TSHZ2: variants seen among roughly 807,000 people sequenced by gnomAD.
TSHZ2 encodes the protein teashirt homolog 2.
Under a neutral mutation model 74.4 loss-of-function variants are expected in TSHZ2, and 21 were observed. The observed-to-expected ratio is 0.28, with a 90% CI of 0.20 to 0.41. TSHZ2 has a LOEUF of 0.41. TSHZ2 is among the 10% of genes least tolerant of loss of function. The pLI is 1.00. For missense variants in TSHZ2, 1,244 were observed against 1,293.5 expected, an observed-to-expected ratio of 0.96 and a Z score of 0.59; for synonymous variants, 540 against 515.3, an observed-to-expected ratio of 1.05 and a Z score of -0.65.
intron 1 of TSHZ2, among the ~76,000 whole-genome samples, chr20:53,191,854 C>G (rs1466507069): frequency 6.6e-6 from 1 of 152,184 alleles, no homozygotes; most frequent in African/African-American, 2.4e-5. Flanking sequence ...TGTCAGCAGG[C>G]ATACATACAC....
chr20:53,143,420 G>A (rs1417712226), intron 1 of TSHZ2, among the ~76,000 whole-genome samples: 1 of 152,144 alleles, frequency 6.6e-6, no homozygotes, highest in Non-Finnish European at 1.5e-5. Context: ...TAGGCCGGGC[G>A]CGGTGGCTCA....
At chr20:53,476,191 G>A (rs1474690275) in intron 2 of TSHZ2, among the ~76,000 whole-genome samples, 1 of 146,218 alleles carries the variant, frequency 6.8e-6, no homozygotes, top group Non-Finnish European at 1.5e-5. Flanking sequence ...CCAAAGCCAG[G>A]CAGAGACACA....
At chr20:53,264,282 TGCAGGTA>T (rs149073661) in intron 2 of TSHZ2, among the ~76,000 whole-genome samples, 2 of 152,174 alleles carry the variant, frequency 1.3e-5, no homozygotes, top group South Asian at 2.1e-4. Context: ...GCATTTCAGG[TGCAGGTA>T]GCAGGTAGCA....
intron 1 of TSHZ2, among the ~76,000 whole-genome samples, chr20:53,065,272 G>A (rs1218751355): frequency 6.6e-6 from 1 of 152,130 alleles, no homozygotes; most frequent in African/African-American, 2.4e-5. Context: ...TTGTTGTCGT[G>A]GTTGAGATGA....
chr20:53,148,622 T>C (rs2123433623), intron 1 of TSHZ2, among the ~76,000 whole-genome samples: 1 of 152,246 alleles, frequency 6.6e-6, no homozygotes, highest in South Asian at 2.1e-4. Context: ...AAAAAAAAGT[T>C]TTTGCATTCA....
chr20:53,284,141 C>A (rs189153288), intron 2 of TSHZ2, among the ~76,000 whole-genome samples: 1 of 152,178 alleles, frequency 6.6e-6, no homozygotes, highest in Non-Finnish European at 1.5e-5. Flanking sequence ...CCTCGAACAA[C>A]GTGAAATGTG....
intron 1 of TSHZ2, among the ~76,000 whole-genome samples, chr20:53,078,108 C>T (rs1985421809): frequency 6.6e-6 from 1 of 152,244 alleles, no homozygotes; most frequent in South Asian, 2.1e-4. Context: ...ATGCGAAGAG[C>T]TTCTATCAAT....
In TSHZ2 at chr20:53,469,640, GGAAGGA is replaced by G. The variant is rs1568931966; in HGVS notation, c.*9-17503_*9-17498del. 5.1e-3 allele frequency among the ~76,000 whole-genome samples: 317 copies of G among 62,244 alleles called. 39 individuals carry two copies. The highest frequency in any genetic ancestry group is 0.011 in the African/African-American group (170 of 15,122). 40.8% of individuals were successfully genotyped at this position (62,244 alleles called of 152,430 possible). A position where few individuals can be genotyped will look rare whatever the true frequency, so the allele number is the denominator to read the frequency against. ...AGAGAGGGAGGAAGGGAGGGAGGAA[GGAAGGA>G]AGGAAGGAAGGAAGGAAGGAAGGAA... On this transcript the variant is annotated intron_variant, in intron 2 of 2. Coordinates refer to ENST00000371497, the MANE Select transcript of TSHZ2 (RefSeq NM_173485.6).
At chr20:53,303,205 C>A (rs73276320) in intron 2 of TSHZ2, among the ~76,000 whole-genome samples, 10 of 152,156 alleles carry the variant, frequency 6.6e-5, no homozygotes, top group Non-Finnish European at 1.0e-4. Context: ...ACTTTAGACA[C>A]CCCCCAAGAC....
At chr20:53,030,191 C>A (rs1385715107) in intron 1 of TSHZ2, among the ~76,000 whole-genome samples, 1 of 152,024 alleles carries the variant, frequency 6.6e-6, no homozygotes, top group Non-Finnish European at 1.5e-5. Context: ...AGATTTGAAC[C>A]CCGCCACTCA....
At chr20:53,367,265 A>T (rs1037784215) in intron 2 of TSHZ2, among the ~76,000 whole-genome samples, 1 of 151,458 alleles carries the variant, frequency 6.6e-6, no homozygotes, top group Non-Finnish European at 1.5e-5. Context: ...TTAGCCAGGC[A>T]TGGTGGCTCG....
At chr20:53,324,912 A>G (rs1159599209) in intron 2 of TSHZ2, among the ~76,000 whole-genome samples, 1 of 152,236 alleles carries the variant, frequency 6.6e-6, no homozygotes, top group Non-Finnish European at 1.5e-5. Flanking sequence ...GGCTAGTTAT[A>G]TTTGTAAGCT....
chr20:53,314,834 C>CTGGTCTTGAACTCCTGACCTCAAGT (rs1010358343), intron 2 of TSHZ2, among the ~76,000 whole-genome samples: 10 of 152,054 alleles, frequency 6.6e-5, no homozygotes, highest in African/African-American at 2.4e-4. Flanking sequence ...GTTGGCCAGG[C>CTGGTCTTGAACTCCTGACCTCAAGT]TGGTCTTGAA....
intron 1 of TSHZ2, among the ~76,000 whole-genome samples, chr20:53,205,047 C>T (rs994519825): frequency 1.3e-5 from 2 of 150,746 alleles, no homozygotes; most frequent in Admixed American, 1.3e-4. Flanking sequence ...GCAGAGATCT[C>T]GCCACTGCAC....
At chr20:53,293,159 T>C (rs1481546818) in intron 2 of TSHZ2, among the ~76,000 whole-genome samples, 1 of 152,192 alleles carries the variant, frequency 6.6e-6, no homozygotes, top group Non-Finnish European at 1.5e-5. Context: ...TTTCTATACT[T>C]TTTAGTATAA....
intron 1 of TSHZ2, among the ~76,000 whole-genome samples, chr20:53,184,958 A>G (rs1988566484): frequency 6.6e-6 from 1 of 152,166 alleles, no homozygotes; most frequent in Non-Finnish European, 1.5e-5. Flanking sequence ...ATCTGCCCGC[A>G]TTGGCCTCCT....
chr20:53,373,415 C>T (rs1238050969), intron 2 of TSHZ2, among the ~76,000 whole-genome samples: 2 of 152,156 alleles, frequency 1.3e-5, no homozygotes, highest in African/African-American at 4.8e-5. Flanking sequence ...CTATCATTTG[C>T]ATTCCAAGCA....
intron 1 of TSHZ2, among the ~76,000 whole-genome samples, chr20:53,081,383 G>A (rs1293444): frequency 0.93 from 142,182 of 152,314 alleles, 66,456 homozygotes; most frequent in African/African-American, 0.99. Context: ...CTTTCAGCTT[G>A]ACACTGAGTT....
chr20:53,181,860 A>G (rs1988477419), intron 1 of TSHZ2, among the ~76,000 whole-genome samples: 1 of 152,206 alleles, frequency 6.6e-6, no homozygotes, highest in African/African-American at 2.4e-5. Context: ...AGAAAGAGAA[A>G]TTAACAGCTG....
Sources: gnomAD v4.1 joint callset for allele counts (sites outside exome capture counted in the v4.1 genomes callset) on GRCh38, gnomAD v4.1.1 for gene constraint, MANE v1.5 for transcripts, NCBI Gene and HGNC (gene_info 2026-07-23, HGNC 2026-07-21) for gene names.